Variants in VWA8 observed in about 807,000 individuals in gnomAD.
VWA8 encodes the protein von Willebrand factor A domain containing 8.
A neutral mutation model predicts 241.5 loss-of-function variants in VWA8; 221 were observed. The observed-to-expected ratio is 0.91, with a 90% CI of 0.82 to 1.02. The LOEUF is 1.02. VWA8 is among the 50% of genes least tolerant of loss of function. VWA8 has a pLI of 0.00. For synonymous variants in VWA8, 852 were observed against 827.1 expected (o/e 1.03, Z -0.52); for missense variants, 2,322 against 2,328.7 (o/e 1.00, Z 0.06).
chr13:41,951,907 A>G (rs1404104252), intron 1 of VWA8, among the ~76,000 whole-genome samples: 1 of 152,216 alleles, frequency 6.6e-6, no homozygotes, highest in African/African-American at 2.4e-5. Context: ...TATGTGGTAA[A>G]TTGAGAGAGG....
rs2045371169 is a variant in VWA8, at chr13:41,719,760, T to C, written c.2965-18A>G. On this transcript the variant is annotated intron_variant, in intron 25 of 44. Coordinates refer to ENST00000379310, the MANE Select transcript of VWA8 (RefSeq NM_015058.2). ...GGAAATTTCTGTATTAAAAAAAAAT[T>C]CCCTTATTATGCATGTGATAAAATA... is the stretch of plus-strand genomic sequence containing the variant. 6.3e-7 allele frequency: 1 copy of C among 1,599,940 alleles called. No individual in the cohort carries two copies. The highest frequency in any genetic ancestry group is 8.5e-7 in the Non-Finnish European group (1 of 1,172,586).
At chr13:41,577,110 A>AGTT (rs1235798788) in intron 42 of VWA8, among the ~76,000 whole-genome samples, 2 of 152,230 alleles carry the variant, frequency 1.3e-5, no homozygotes, top group African/African-American at 4.8e-5. Context: ...TGATGAGAAT[A>AGTT]GTTGGGGATC....
chr13:41,932,516 C>G lies in VWA8; in HGVS notation c.241+17420G>C, dbSNP rs1453983461. ...AAGACATGACAAGTAAGGAAAGCTG[C>G]AGATCAATATCCTTCATAGAGATGT... On this transcript the variant is annotated intron_variant, in intron 2 of 44. Coordinates refer to ENST00000379310, the MANE Select transcript of VWA8 (RefSeq NM_015058.2). 2.0e-5 allele frequency among the ~76,000 whole-genome samples: 3 copies of G among 152,024 alleles called. No individual in the cohort carries two copies. In the East Asian group the frequency reaches 5.8e-4, roughly 29 times the overall value.
At chr13:41,773,961 A>T (rs150902356) in intron 20 of VWA8, among the ~76,000 whole-genome samples, 29 of 152,304 alleles carry the variant, frequency 1.9e-4, no homozygotes, top group African/African-American at 5.8e-4. Context: ...TTGAGTAGGT[A>T]GTCCCTAGAT....
intron 12 of VWA8, among the ~76,000 whole-genome samples, chr13:41,859,600 T>C (rs1219842858): frequency 1.3e-5 from 2 of 152,164 alleles, no homozygotes; most frequent in African/African-American, 4.8e-5. Context: ...TATCTGGTTG[T>C]GAAGGAAAAG....
chr13:41,895,155 G>A (rs922059776), intron 4 of VWA8, among the ~76,000 whole-genome samples: 1 of 151,998 alleles, frequency 6.6e-6, no homozygotes, highest in African/African-American at 2.4e-5. Context: ...GTGGGAACAT[G>A]GTAGGGCCTA....
intron 9 of VWA8, among the ~76,000 whole-genome samples, chr13:41,872,632 T>C (rs897547381): frequency 6.6e-6 from 1 of 152,190 alleles, no homozygotes; most frequent in Non-Finnish European, 1.5e-5. Context: ...TATGGCGTTA[T>C]TTCTGAGGGC....
At chr13:41,886,909 C>T in intron 6 of VWA8, 79 bp from the exon 7 acceptor site, 1 of 1,142,438 alleles carries the variant, frequency 8.8e-7, no homozygotes, top group African/African-American at 1.6e-5. Flanking sequence ...TAGATACAAT[C>T]CAACCTTTTA....
At chr13:41,625,910 T>C (rs1479416106) in intron 37 of VWA8, among the ~76,000 whole-genome samples, 3 of 151,772 alleles carry the variant, frequency 2.0e-5, no homozygotes, top group African/African-American at 7.3e-5. Context: ...CCATAAAAAA[T>C]GATGATTTCA....
intron 43 of VWA8, among the ~76,000 whole-genome samples, chr13:41,572,839 G>A (rs2044317823): frequency 1.3e-5 from 2 of 151,026 alleles, no homozygotes; most frequent in South Asian, 4.2e-4. Context: ...GCCGGGCGCG[G>A]TGGCTCACGT....
rs1871565547 is a variant in VWA8, at chr13:41,833,420, G to T, written c.1537C>A (p.Leu513Met). Residue 513 changes from leucine to methionine, a missense_variant, in exon 13 of 45, where the codon CTG (leucine) becomes ATG (methionine). By Grantham distance (15) the Leu-to-Met change is conservative. Transcript: ENST00000379310. ...GCATTCACCCGGTGAATGCCATCCA[G>T]CAGGACCAGCTTGCCTTCCAGAGCA... Reference protein sequence around the residue: ...NAALEGKLVLLDGIHRVNAGT... With the variant: ...NAALEGKLVLMDGIHRVNAGT... The T allele has an allele frequency of 1.9e-6, 3 of 1,613,832 alleles. No individual in the cohort carries two copies. Among genetic ancestry groups the T allele is most frequent in the Admixed American group, 1.7e-5 (1 of 59,932 alleles).
chr13:41,919,453 G>C (rs1239595459), intron 2 of VWA8, among the ~76,000 whole-genome samples: 1 of 152,106 alleles, frequency 6.6e-6, no homozygotes, highest in Non-Finnish European at 1.5e-5. Flanking sequence ...CCCTGCCTGA[G>C]CTGCTACTGT....
At chr13:41,823,172 C>T (rs959593133) in intron 14 of VWA8, among the ~76,000 whole-genome samples, 1 of 151,984 alleles carries the variant, frequency 6.6e-6, no homozygotes, top group African/African-American at 2.4e-5. Flanking sequence ...ACCAAGATTT[C>T]TAGGAAGCTA....
At chr13:41,948,311 T>C (rs1219186827) in intron 2 of VWA8, among the ~76,000 whole-genome samples, 1 of 152,056 alleles carries the variant, frequency 6.6e-6, no homozygotes, top group Non-Finnish European at 1.5e-5. Flanking sequence ...GACAAATCTA[T>C]AGAAACAGAA....
At chr13:41,596,788 TACAC>T (rs142774673) in intron 40 of VWA8, among the ~76,000 whole-genome samples, 11,618 of 136,724 alleles carry the variant, frequency 0.085, 501 homozygotes, top group Middle Eastern at 0.12. Flanking sequence ...AACCAGAAAG[TACAC>T]ACACACACAC....
intron 17 of VWA8, among the ~76,000 whole-genome samples, chr13:41,790,314 C>A (rs1316875572): frequency 1.3e-5 from 2 of 152,082 alleles, no homozygotes; most frequent in Non-Finnish European, 2.9e-5. Flanking sequence ...TTAGTTCGAT[C>A]AGACTTGTGA....
At chr13:41,729,494 A>G (rs886989814) in intron 23 of VWA8, 48 bp downstream of exon 23, 16 of 1,571,006 alleles carry the variant, frequency 1.0e-5, no homozygotes, top group Non-Finnish European at 1.2e-5. Flanking sequence ...ATACAGAGAT[A>G]TAAACATTGT....
intron 21 of VWA8, among the ~76,000 whole-genome samples, chr13:41,748,213 G>T (rs1291171904): frequency 3.3e-5 from 5 of 152,174 alleles, no homozygotes; most frequent in Non-Finnish European, 5.9e-5. Flanking sequence ...ATTTGGCTGT[G>T]AATCCATCTG....
intron 43 of VWA8, among the ~76,000 whole-genome samples, chr13:41,573,610 C>CACATATATATATATATATATATATAT (rs1555303639): frequency 2.9e-5 from 4 of 140,188 alleles, no homozygotes; most frequent in Middle Eastern, 3.7e-3. Context: ...TATATATACG[C>CACATATATATATATATATATATATAT]ATATATATGG....
Sources: gnomAD v4.1 joint callset for allele counts (sites outside exome capture counted in the v4.1 genomes callset) on GRCh38, gnomAD v4.1.1 for gene constraint, MANE v1.5 for transcripts, NCBI Gene and HGNC (gene_info 2026-07-23, HGNC 2026-07-21) for gene names.